Variants in NKAIN2 observed in about 807,000 individuals in gnomAD.
The protein encoded by NKAIN2 is sodium/potassium transporting ATPase interacting 2.
A neutral mutation model predicts 32.6 loss-of-function variants in NKAIN2; 14 were observed. That is an observed-to-expected ratio of 0.43 (90% CI 0.28 to 0.67). NKAIN2 has a LOEUF of 0.67. Ranked by LOEUF, NKAIN2 falls within the 30% of genes least tolerant of loss-of-function variation. The probability of loss-of-function intolerance (pLI) is 0.17; values close to 1 mark genes in which losing one functional copy is unlikely to be tolerated. For synonymous variants in NKAIN2, 80 were observed against 87.2 expected, an observed-to-expected ratio of 0.92 and a Z score of 0.46; for missense variants, 198 against 258.3, an observed-to-expected ratio of 0.77 and a Z score of 1.60.
At chr6:124,339,650 C>T (rs540472377) in intron 2 of NKAIN2, among the ~76,000 whole-genome samples, 3 of 152,270 alleles carry the variant, frequency 2.0e-5, no homozygotes, top group South Asian at 4.1e-4. Flanking sequence ...ATTGGACCTA[C>T]GCAGATAATC....
At chr6:124,762,266 C>A (rs1778304071) in intron 4 of NKAIN2, among the ~76,000 whole-genome samples, 2 of 152,156 alleles carry the variant, frequency 1.3e-5, no homozygotes, top group South Asian at 4.1e-4. Flanking sequence ...TCTGTGTGAA[C>A]CCATCCCTGG....
At chr6:124,391,596 A>C (rs983564130) in intron 3 of NKAIN2, among the ~76,000 whole-genome samples, 2 of 152,224 alleles carry the variant, frequency 1.3e-5, no homozygotes, top group South Asian at 4.1e-4. Context: ...AGAACACACA[A>C]AGAGAGCTCT....
At chr6:124,028,423 G>A (rs1350527404) in intron 1 of NKAIN2, among the ~76,000 whole-genome samples, 8 of 150,522 alleles carry the variant, frequency 5.3e-5, no homozygotes, top group African/African-American at 1.7e-4. Flanking sequence ...GATAGCATTA[G>A]GAGATATACC....
At chr6:123,993,893 T>C (rs1478300951) in intron 1 of NKAIN2, among the ~76,000 whole-genome samples, 2 of 152,180 alleles carry the variant, frequency 1.3e-5, no homozygotes, top group African/African-American at 4.8e-5. Context: ...ACAACTAAAA[T>C]ATATCATGGC....
chr6:123,850,577 C>T (rs1001535828), intron 1 of NKAIN2, among the ~76,000 whole-genome samples: 1 of 152,058 alleles, frequency 6.6e-6, no homozygotes. Flanking sequence ...GAGTTCACTT[C>T]TAACTTTGTT....
intron 3 of NKAIN2, among the ~76,000 whole-genome samples, chr6:124,530,415 G>A (rs1183108193): frequency 6.6e-6 from 1 of 152,176 alleles, no homozygotes; most frequent in Non-Finnish European, 1.5e-5. Context: ...AGGAGGAAAA[G>A]GAGGTGGTCT....
intron 3 of NKAIN2, among the ~76,000 whole-genome samples, chr6:124,652,171 G>A (rs917132151): frequency 6.6e-6 from 1 of 152,156 alleles, no homozygotes; most frequent in Non-Finnish European, 1.5e-5. Flanking sequence ...CCTGGGGCAT[G>A]GATACAATTC....
At chr6:124,495,609 C>T (rs1344739817) in intron 3 of NKAIN2, among the ~76,000 whole-genome samples, 2 of 152,134 alleles carry the variant, frequency 1.3e-5, no homozygotes, top group Admixed American at 6.6e-5. Flanking sequence ...AAGGTCTGAG[C>T]TCTGAGCTGC....
chr6:124,770,319 G>T (rs1778693746), intron 4 of NKAIN2, among the ~76,000 whole-genome samples: 1 of 152,050 alleles, frequency 6.6e-6, no homozygotes, highest in South Asian at 2.1e-4. Flanking sequence ...GGAATTTTCT[G>T]TTTCCTGTCT....
chr6:124,068,132 C>A (rs1003500862), intron 1 of NKAIN2, among the ~76,000 whole-genome samples: 1 of 152,108 alleles, frequency 6.6e-6, no homozygotes, highest in East Asian at 1.9e-4. Context: ...AAAACCTAAG[C>A]AGTCTGGTTC....
chr6:124,070,581 C>G (rs1395563181), intron 1 of NKAIN2, among the ~76,000 whole-genome samples: 1 of 152,112 alleles, frequency 6.6e-6, no homozygotes, highest in Non-Finnish European at 1.5e-5. Context: ...TAGACTTGGA[C>G]AACATTCTGG....
chr6:124,664,814 A>G (rs1357374928), intron 4 of NKAIN2, among the ~76,000 whole-genome samples: 1 of 147,722 alleles, frequency 6.8e-6, no homozygotes, highest in African/African-American at 2.5e-5. Flanking sequence ...AAAAAAAAAA[A>G]AAAAAAAAAA....
intron 1 of NKAIN2, among the ~76,000 whole-genome samples, chr6:124,082,105 C>T (rs1001846865): frequency 8.6e-5 from 13 of 151,950 alleles, no homozygotes; most frequent in African/African-American, 2.9e-4. Context: ...AGAAACTTGG[C>T]GCATGGGTGG....
chr6:123,973,205 A>G (rs1778417344), intron 1 of NKAIN2, among the ~76,000 whole-genome samples: 1 of 152,104 alleles, frequency 6.6e-6, no homozygotes, highest in Non-Finnish European at 1.5e-5. Context: ...TAATGTCACC[A>G]TTAGAATTTA....
intron 5 of NKAIN2, among the ~76,000 whole-genome samples, chr6:124,813,920 C>T (rs1425925068): frequency 6.6e-6 from 1 of 152,068 alleles, no homozygotes; most frequent in Non-Finnish European, 1.5e-5. Flanking sequence ...TTTTATGACC[C>T]TTATTGCTCA....
rs557499802 is a variant in NKAIN2 at position 123,947,131 on chromosome 6, T to C, written c.54+142877T>C. The stretch of plus-strand genomic sequence containing the variant: ...GAACCACAGTGCCTTTAGGGATTAG[T>C]GATACAATTGATGTGAAAAAAGATA... On this transcript the variant is annotated intron_variant, in intron 1 of 6. Transcript: ENST00000368417. 1.7e-3 allele frequency among the ~76,000 whole-genome samples: 258 copies of C among 152,316 alleles called. 2 individuals are homozygous for C. The highest frequency in any genetic ancestry group is 6.0e-3 in the African/African-American group (251 of 41,580).
chr6:124,708,378 G>A (rs1190688886), intron 4 of NKAIN2, among the ~76,000 whole-genome samples: 3 of 151,634 alleles, frequency 2.0e-5, no homozygotes, highest in African/African-American at 7.3e-5. Context: ...ATTCTGTGAA[G>A]AAAGTCATTG....
At chr6:123,926,344 A>C (rs1776002085) in intron 1 of NKAIN2, among the ~76,000 whole-genome samples, 1 of 152,180 alleles carries the variant, frequency 6.6e-6, no homozygotes. Context: ...CTACTTGAAT[A>C]ATCCACATTT....
intron 5 of NKAIN2, chr6:124,804,368 T>C (rs1780419828): frequency 3.8e-6 from 1 of 259,792 alleles, no homozygotes; most frequent in Non-Finnish European, 6.0e-6. Context: ...ATTAGGCCTT[T>C]AGAACCAAAA....
Sources: gnomAD v4.1 joint callset for allele counts (sites outside exome capture counted in the v4.1 genomes callset) on GRCh38, gnomAD v4.1.1 for gene constraint, MANE v1.5 for transcripts, NCBI Gene and HGNC (gene_info 2026-07-23, HGNC 2026-07-21) for gene names.